Variants in TAFA1 observed in about 807,000 individuals in gnomAD.
TAFA1 encodes the protein TAFA chemokine like family member 1.
TAFA1 carries 4 observed loss-of-function variants against 18.5 expected under a neutral mutation model. That is an observed-to-expected ratio of 0.22 (90% CI 0.11 to 0.49). TAFA1 has a LOEUF of 0.49. Among genes scored for constraint, TAFA1 ranks in the 20% least tolerant of loss-of-function variants. TAFA1 has a pLI of 0.98. For missense variants in TAFA1, 147 were observed against 169.0 expected, an observed-to-expected ratio of 0.87 and a Z score of 0.72; for synonymous variants, 56 against 55.2, an observed-to-expected ratio of 1.01 and a Z score of -0.06.
intron 2 of TAFA1, among the ~76,000 whole-genome samples, chr3:68,102,590 A>T (rs2065160725): frequency 6.6e-6 from 1 of 152,192 alleles, no homozygotes; most frequent in South Asian, 2.1e-4. Flanking sequence ...CTCCTATAAA[A>T]AATTGTCAAA....
chr3:68,213,021 A>AT (rs746541365), intron 2 of TAFA1, among the ~76,000 whole-genome samples: 6,155 of 145,628 alleles, frequency 0.042, 153 homozygotes, highest in Non-Finnish European at 0.05. Flanking sequence ...AAATGGTGGT[A>AT]TTTTTTTTTT....
chr3:68,079,553 C>T (rs2064870351), intron 2 of TAFA1, among the ~76,000 whole-genome samples: 1 of 152,004 alleles, frequency 6.6e-6, no homozygotes, highest in Non-Finnish European at 1.5e-5. Flanking sequence ...TTTATTTCTG[C>T]CTTCATTTCG....
chr3:68,380,462 A>T (rs1244725733), intron 2 of TAFA1, among the ~76,000 whole-genome samples: 1 of 152,142 alleles, frequency 6.6e-6, no homozygotes, highest in African/African-American at 2.4e-5. Flanking sequence ...TCGCCATTCT[A>T]ACTGGTGTGT....
In TAFA1 at chr3:68,446,416, C is replaced by G. The variant is rs556777723; in HGVS notation, c.259+28996C>G. The stretch of plus-strand genomic sequence containing the variant: ...GGGAGGTGAGTGTGGAAGAAGACAG[C>G]AAGAGTCCTGGCCCCCTCCCTTCTA... On this transcript the variant is annotated intron_variant, in intron 3 of 4. Transcript: ENST00000478136. Among the ~76,000 whole-genome samples, 194 of 152,210 alleles carry G rather than the reference C, an allele frequency of 1.3e-3. 3 individuals are homozygous for G. The highest frequency in any genetic ancestry group is 4.4e-3 in the African/African-American group (184 of 41,540).
chr3:68,385,447 T>A (rs547254580), intron 2 of TAFA1, among the ~76,000 whole-genome samples: 15 of 152,072 alleles, frequency 9.9e-5, no homozygotes, highest in Non-Finnish European at 2.1e-4. Flanking sequence ...TAGATTTGAA[T>A]CCTTGGTTTT....
At chr3:68,333,292 A>G (rs1181674029) in intron 2 of TAFA1, among the ~76,000 whole-genome samples, 6 of 152,214 alleles carry the variant, frequency 3.9e-5, no homozygotes, top group Non-Finnish European at 2.9e-5. Flanking sequence ...GCAAATATAC[A>G]CCATGGAATA....
chr3:68,207,156 A>G (rs1033594806), intron 2 of TAFA1, among the ~76,000 whole-genome samples: 5 of 151,910 alleles, frequency 3.3e-5, no homozygotes, highest in Admixed American at 2.6e-4. Flanking sequence ...TTTCAGCCCT[A>G]TATTAGCAAA....
chr3:68,284,907 A>G (rs1240352993), intron 2 of TAFA1, among the ~76,000 whole-genome samples: 1 of 152,184 alleles, frequency 6.6e-6, no homozygotes, highest in African/African-American at 2.4e-5. Flanking sequence ...CTGTCTCTAC[A>G]GTTTTTATTT....
At chr3:68,357,081 C>T (rs1356889166) in intron 2 of TAFA1, among the ~76,000 whole-genome samples, 2 of 151,938 alleles carry the variant, frequency 1.3e-5, no homozygotes. Context: ...TGTGTTTTCT[C>T]TTGCCAATCA....
At chr3:68,395,554 CCCAAATGT>C (rs1408018931) in intron 2 of TAFA1, among the ~76,000 whole-genome samples, 3 of 152,152 alleles carry the variant, frequency 2.0e-5, no homozygotes, top group Admixed American at 6.5e-5. Context: ...TTGCTAACAA[CCCAAATGT>C]CCATCAATGA....
At chr3:68,267,833 T>G (rs1291237089) in intron 2 of TAFA1, among the ~76,000 whole-genome samples, 5 of 152,196 alleles carry the variant, frequency 3.3e-5, no homozygotes, top group Admixed American at 3.3e-4. Flanking sequence ...CTCCTCTTAT[T>G]TCTTCAAATA....
intron 2 of TAFA1, among the ~76,000 whole-genome samples, chr3:68,063,926 C>A (rs2064639424): frequency 6.6e-6 from 1 of 152,158 alleles, no homozygotes; most frequent in Non-Finnish European, 1.5e-5. Context: ...TCTGGCGATG[C>A]CAGAATTGCT....
intron 2 of TAFA1, among the ~76,000 whole-genome samples, chr3:68,120,252 T>C (rs1021886482): frequency 2.0e-4 from 19 of 97,264 alleles, no homozygotes; most frequent in Non-Finnish European, 3.3e-4. Flanking sequence ...TTTCTTTCTT[T>C]CTTTCTTTCT....
chr3:68,059,019 T>A (rs1211998080), intron 2 of TAFA1, among the ~76,000 whole-genome samples: 1 of 152,252 alleles, frequency 6.6e-6, no homozygotes, highest in Middle Eastern at 3.4e-3. Flanking sequence ...GAGTAATAAG[T>A]TATTTTTTCT....
At chr3:68,215,511 C>A (rs887771255) in intron 2 of TAFA1, among the ~76,000 whole-genome samples, 39 of 151,960 alleles carry the variant, frequency 2.6e-4, no homozygotes, top group African/African-American at 7.3e-4. Context: ...ATAAACTAGA[C>A]TTCATTAAAA....
chr3:68,208,746 G>A (rs984795702), intron 2 of TAFA1, among the ~76,000 whole-genome samples: 3 of 151,994 alleles, frequency 2.0e-5, no homozygotes, highest in African/African-American at 7.2e-5. Flanking sequence ...GCATATGCCT[G>A]TAGCTCAGGC....
intron 3 of TAFA1, among the ~76,000 whole-genome samples, chr3:68,509,451 G>A (rs969101136): frequency 3.3e-5 from 5 of 152,050 alleles, no homozygotes; most frequent in Non-Finnish European, 5.9e-5. Context: ...TCTTCCACTA[G>A]GTTAGGCCAT....
At chr3:68,252,786 C>T (rs577230223) in intron 2 of TAFA1, among the ~76,000 whole-genome samples, 1 of 152,132 alleles carries the variant, frequency 6.6e-6, no homozygotes, top group Non-Finnish European at 1.5e-5. Flanking sequence ...GTGTCCCCAC[C>T]CAAATCTCAC....
chr3:68,024,834 A>ACACACACAC (rs33967574), intron 2 of TAFA1, among the ~76,000 whole-genome samples: 6,627 of 139,390 alleles, frequency 0.048, 188 homozygotes, highest in East Asian at 0.1. Context: ...CACACACACA[A>ACACACACAC]TTATACATTG....
Sources: allele counts gnomAD v4.1 joint callset (sites outside exome capture counted in the v4.1 genomes callset), GRCh38; gene constraint gnomAD v4.1.1; transcripts MANE v1.5; gene names NCBI Gene and HGNC (gene_info 2026-07-23, HGNC 2026-07-21).